TLN1: variants seen among roughly 807,000 people sequenced by gnomAD.
The protein encoded by TLN1 is talin 1, also known as talin-1.
TLN1 carries 56 observed loss-of-function variants against 292.3 expected under a neutral mutation model. That is an observed-to-expected ratio of 0.19 (90% CI 0.15 to 0.24). TLN1 has a LOEUF of 0.24. Among genes scored for constraint, TLN1 ranks in the 10% least tolerant of loss-of-function variants. TLN1 has a pLI of 1.00. For synonymous variants in TLN1, 1,119 were observed against 1,253.7 expected (o/e 0.89, Z 2.27); for missense variants, 2,433 against 3,248.2 (o/e 0.75, Z 6.10).
chr9:35,720,927 T>TG lies in TLN1; in HGVS notation c.1105-15dup. 6.3e-7 allele frequency: 1 copy of TG among 1,598,820 alleles called. No homozygotes were observed. Among genetic ancestry groups the TG allele is most frequent in the African/African-American group, 1.3e-5 (1 of 74,696 alleles). On this transcript the variant is annotated splice_polypyrimidine_tract_variant and intron_variant, in intron 10 of 56. Coordinates refer to ENST00000314888, the MANE Select transcript of TLN1 (RefSeq NM_006289.4). The stretch of plus-strand genomic sequence containing the variant: ...ATCTCCAAAATCCTAGGGTGACAAG[T>TG]GGGGGACTCAGAGGGAAAGCTCAAA...
At position 35,712,256 on chromosome 9, in the gene TLN1, AC is replaced by A. The variant is rs897169151; in HGVS notation, c.3562-133del. On this transcript the variant is annotated intron_variant, in intron 27 of 56. Coordinates refer to ENST00000314888, the MANE Select transcript of TLN1 (RefSeq NM_006289.4). ...AAAAGAAAGGGGGCGTTGTAGGTGA[AC>A]AGGCTGAGGTTAGGGTTTCAAGTGA... 2.4e-5 allele frequency: 31 copies of A among 1,275,952 alleles called. No homozygotes were observed. The African/African-American group carries it at 4.7e-4, about 19-fold the overall frequency. The allele number at this position is 1,275,952 out of a possible 1,614,324, so 79.0% of individuals were successfully genotyped here.
chr9:35,723,950 A>C lies in TLN1; in HGVS notation c.782+2T>G. 6.2e-7 allele frequency: 1 copy of C among 1,614,076 alleles called. No individual in the cohort carries two copies. The highest frequency in any genetic ancestry group is 8.5e-7 in the Non-Finnish European group (1 of 1,179,978). On this transcript the variant is annotated splice_donor_variant, in intron 7 of 56. Coordinates refer to ENST00000314888, the MANE Select transcript of TLN1 (RefSeq NM_006289.4). LOFTEE classifies it high-confidence loss of function. Reference sequence around the variant, plus strand: ...ACAGGGTATAGGATGTGGGTCACTCACTCAAGGAAGCCAGCCTTGTGCTTC... The same window carrying C: ...ACAGGGTATAGGATGTGGGTCACTCCCTCAAGGAAGCCAGCCTTGTGCTTC...
chr9:35,722,520 C>G (rs909640157), intron 8 of TLN1, among the ~76,000 whole-genome samples: 2 of 152,140 alleles, frequency 1.3e-5, no homozygotes, highest in African/African-American at 4.8e-5. Context: ...GGGGTAACAC[C>G]TTATAGTGGA....
At chr9:35,718,357 G>A (rs1341436269) in intron 17 of TLN1, among the ~76,000 whole-genome samples, 4 of 152,238 alleles carry the variant, frequency 2.6e-5, no homozygotes, top group Non-Finnish European at 2.9e-5. Context: ...GGCTGTTACC[G>A]TAGGGGAATC....
chr9:35,716,291 G>T, intron 20 of TLN1, 99 bp downstream of exon 20: 1 of 1,409,792 alleles, frequency 7.1e-7, no homozygotes, highest in Non-Finnish European at 9.6e-7. Flanking sequence ...TGTGTTTTCT[G>T]CTTTTCCTGG....
intron 43 of TLN1, 122 bp downstream of exon 43, chr9:35,705,429 G>A: frequency 1.0e-6 from 1 of 994,116 alleles, no homozygotes; most frequent in East Asian, 2.4e-5. Flanking sequence ...CTTCAGCAGA[G>A]TGGCCCTGAG....
At chr9:35,718,736 G>C in intron 17 of TLN1, 76 bp downstream of exon 17, 1 of 1,318,234 alleles carries the variant, frequency 7.6e-7, no homozygotes, top group Non-Finnish European at 1.1e-6. Context: ...ACAGAAGCCA[G>C]GACTAGGAAC....
chr9:35,715,590 T>C (rs1170298774), intron 20 of TLN1, among the ~76,000 whole-genome samples: 1 of 152,256 alleles, frequency 6.6e-6, no homozygotes, highest in Non-Finnish European at 1.5e-5. Flanking sequence ...AGGAATCATC[T>C]GGGCTTCTTT....
At position 35,699,724 on chromosome 9, in the gene TLN1, G is replaced by T. The variant is rs1052425661; in HGVS notation, c.6768+250C>A. On this transcript the variant is annotated intron_variant, in intron 50 of 56. Transcript: ENST00000314888. This position sits in a 1 kb window ranked among gnomAD's most constrained non-coding sequence, Gnocchi z 4.0. ...AGAGGAGACGACGAAAGTAGAGAAG[G>T]GGGTGGTCAGGTGGGAAGGGAGGAG... 3.1e-6 allele frequency: 3 copies of T among 982,320 alleles called. No individual in the cohort carries two copies. In the African/African-American group the frequency reaches 5.2e-5, roughly 17 times the overall value. 60.9% of individuals were successfully genotyped at this position (982,320 alleles called of 1,614,324 possible).
At position 35,719,337 on chromosome 9, in the gene TLN1, G is replaced by A; in HGVS notation, c.1688-55C>T. 6.4e-7 allele frequency: 1 copy of A among 1,557,964 alleles called. No individual in the cohort carries two copies. The highest frequency in any genetic ancestry group is 8.8e-7 in the Non-Finnish European group (1 of 1,136,808). On this transcript the variant is annotated intron_variant, in intron 15 of 56. Coordinates refer to ENST00000314888, the MANE Select transcript of TLN1 (RefSeq NM_006289.4). The surrounding 1 kb of genome is among the most constrained non-coding windows in gnomAD (Gnocchi z 4.6). ...AGAGACAGGGCAGGCCAGACGAAGG[G>A]CTGGGGAGGGAGCAAAGTCACACCC...
intron 20 of TLN1, 21 bp from the exon 21 acceptor site, chr9:35,715,208 C>T (rs776454469): frequency 6.2e-7 from 1 of 1,605,250 alleles, no homozygotes; most frequent in East Asian, 2.2e-5. Flanking sequence ...GGTGGAAAGA[C>T]AGTCATCACC....
chr9:35,714,749 T>G lies in TLN1; in HGVS notation c.2871+11A>C. ...CCCTCTTCCACTCCCACATCCTTCC[T>G]AGAGTCTTACCTTGCAGCTCTGCAC... On this transcript the variant is annotated intron_variant, in intron 22 of 56. Transcript: ENST00000314888. This position sits in a 1 kb window ranked among gnomAD's most constrained non-coding sequence, Gnocchi z 4.6. 6.2e-7 allele frequency: 1 copy of G among 1,606,214 alleles called. No homozygotes were observed. Among genetic ancestry groups the G allele is most frequent in the Non-Finnish European group, 8.5e-7 (1 of 1,175,390 alleles).
At chr9:35,722,783 C>T (rs951636897) in intron 8 of TLN1, 78 bp downstream of exon 8, 16 of 1,456,664 alleles carry the variant, frequency 1.1e-5, no homozygotes, top group Non-Finnish European at 1.3e-5. Flanking sequence ...GGGGAGGAGG[C>T]AGGGGGCCAT....
chr9:35,708,268 C>CACCTCCCT, intron 34 of TLN1, 73 bp downstream of exon 34: 1 of 1,484,702 alleles, frequency 6.7e-7, no homozygotes, highest in East Asian at 2.4e-5. Context: ...CCACATGCCT[C>CACCTCCCT]ACCTCCCTCT....
rs1316807013 is a variant in TLN1 at position 35,707,616 on chromosome 9, A to G, written c.4632+115T>C. 1.3e-6 allele frequency: 2 copies of G among 1,579,408 alleles called. No individual in the cohort carries two copies. The highest frequency in any genetic ancestry group is 3.4e-5 in the Admixed American group (2 of 58,040). On this transcript the variant is annotated intron_variant, in intron 35 of 56. Transcript: ENST00000314888. This position sits in a 1 kb window ranked among gnomAD's most constrained non-coding sequence, Gnocchi z 5.6. ...GGCTAGGTGGTCAGTCTGAATAGAA[A>G]GAGCTTGGGCTCAGGCAGAGGGGAT... is the stretch of plus-strand genomic sequence containing the variant.
At position 35,722,119 on chromosome 9, in the gene TLN1, C is replaced by A; in HGVS notation, c.948G>T (p.Lys316Asn). Residue 316 changes from lysine to asparagine, a missense_variant and splice_region_variant, in exon 9 of 57, where the codon AAG becomes AAT. Lys to Asn is a moderately conservative substitution (Grantham distance 94). Coordinates refer to ENST00000314888, the MANE Select transcript of TLN1 (RefSeq NM_006289.4). Reference sequence around the variant, plus strand: ...GCAGTGAAAAGGGCCCATAACCTACCTTCACCAGGAAGAAGGAGACACCGT... The same window carrying A: ...GCAGTGAAAAGGGCCCATAACCTACATTCACCAGGAAGAAGGAGACACCGT... ...KTYGVSFFLVKEKMKGKNKLV... is the reference protein window; with the variant it reads ...KTYGVSFFLVNEKMKGKNKLV... 1 of 1,613,966 alleles carries A rather than the reference C, an allele frequency of 6.2e-7. No homozygotes were observed. The highest frequency in any genetic ancestry group is 8.5e-7 in the Non-Finnish European group (1 of 1,179,858).
chr9:35,708,506 G>T (rs1216784524), intron 33 of TLN1, 22 bp from the exon 34 acceptor site: 3 of 1,537,296 alleles, frequency 2.0e-6, no homozygotes. Context: ...AAAGGGGGTG[G>T]GGGTGAGGAA....
chr9:35,703,244 C>T (rs1563938834), intron 48 of TLN1, among the ~76,000 whole-genome samples: 1 of 152,136 alleles, frequency 6.6e-6, no homozygotes, highest in Non-Finnish European at 1.5e-5. Flanking sequence ...TTGTAGTGAG[C>T]TGAGATCACG....
At chr9:35,705,523 G>C in intron 43 of TLN1, 28 bp downstream of exon 43, 2 of 1,549,578 alleles carry the variant, frequency 1.3e-6, no homozygotes, top group Non-Finnish European at 1.7e-6. Context: ...AGGGGCAGGG[G>C]GCAGGGCAGA....
Sources: gnomAD v4.1 joint callset for allele counts (sites outside exome capture counted in the v4.1 genomes callset) on GRCh38, gnomAD v4.1.1 for gene constraint, Gnocchi (gnomAD v3.1) non-coding constraint, MANE v1.5 for transcripts, NCBI Gene and HGNC (gene_info 2026-07-23, HGNC 2026-07-21) for gene names.